The following CFAP299 variants were observed in gnomAD, a reference collection of about 807,000 sequenced individuals.
CFAP299 encodes cilia- and flagella-associated protein 299.
CFAP299 carries 21 observed loss-of-function variants against 27.0 expected under a neutral mutation model. The observed-to-expected ratio is 0.78, with a 90% CI of 0.55 to 1.12. The LOEUF (loss-of-function observed/expected upper bound fraction) is 1.12, where lower values mean the gene tolerates loss of function less well. Ranked by LOEUF, CFAP299 falls within the 50% of genes most tolerant of loss-of-function variation. The pLI is 0.00. For synonymous variants in CFAP299, 104 were observed against 98.1 expected, an observed-to-expected ratio of 1.06 and a Z score of -0.36; for missense variants, 310 against 276.6, an observed-to-expected ratio of 1.12 and a Z score of -0.86.
intron 2 of CFAP299, among the ~76,000 whole-genome samples, chr4:80,389,258 C>A (rs191079876): frequency 6.6e-6 from 1 of 152,068 alleles, no homozygotes; most frequent in Non-Finnish European, 1.5e-5. Context: ...TCATTCCTAC[C>A]TAGTATTACA....
chr4:80,342,346 C>T (rs981830531), intron 1 of CFAP299, among the ~76,000 whole-genome samples: 2 of 152,128 alleles, frequency 1.3e-5, no homozygotes, highest in Admixed American at 6.5e-5. Context: ...ACAAGAAGAT[C>T]AACCTCAAGA....
At chr4:80,800,479 TATATAATATATAATATATA>T (rs1560419065) in intron 3 of CFAP299, among the ~76,000 whole-genome samples, 3 of 5,346 alleles carry the variant, frequency 5.6e-4, no homozygotes, top group East Asian at 3.2e-3. Flanking sequence ...TATAATATAT[TATATAATATATAATATATA>T]ATATATTATA....
At chr4:80,749,722 G>A (rs1036672125) in intron 3 of CFAP299, among the ~76,000 whole-genome samples, 4 of 152,180 alleles carry the variant, frequency 2.6e-5, no homozygotes, top group South Asian at 2.1e-4. Flanking sequence ...GATGAAGACC[G>A]GAAGACTCAG....
chr4:80,660,547 T>C (rs1272648105), intron 3 of CFAP299, among the ~76,000 whole-genome samples: 1 of 152,186 alleles, frequency 6.6e-6, no homozygotes, highest in Admixed American at 6.6e-5. Flanking sequence ...TGAGATATCT[T>C]ACATTTGCTT....
the CFAP299 span, among the ~76,000 whole-genome samples, chr4:80,325,180 A>G: frequency 1.3e-5 from 2 of 152,208 alleles, no homozygotes; most frequent in African/African-American, 2.4e-5. Context: ...CAAAAAAGGC[A>G]ACAACTGGGC....
At chr4:80,334,754 T>C (rs1256450207), upstream of CFAP299, among the ~76,000 whole-genome samples, 2 of 152,198 alleles carry the variant, frequency 1.3e-5, no homozygotes, top group Non-Finnish European at 2.9e-5. Flanking sequence ...CACTTAAAAT[T>C]TGCAAGTCAT....
At chr4:80,556,724 T>C (rs1734803162) in intron 2 of CFAP299, among the ~76,000 whole-genome samples, 2 of 151,978 alleles carry the variant, frequency 1.3e-5, no homozygotes, top group South Asian at 4.1e-4. Context: ...ACACTAGATA[T>C]CACAAAATAG....
chr4:80,615,635 A>G (rs961171449), intron 3 of CFAP299, among the ~76,000 whole-genome samples: 1 of 151,948 alleles, frequency 6.6e-6, no homozygotes, highest in Non-Finnish European at 1.5e-5. Context: ...TCCTGGGTTC[A>G]AGTGATCCTC....
At chr4:80,939,975 A>G (rs186057933) in intron 4 of CFAP299, among the ~76,000 whole-genome samples, 6 of 152,248 alleles carry the variant, frequency 3.9e-5, no homozygotes, top group African/African-American at 1.4e-4. Context: ...AATGCCCTGA[A>G]GTATTTAATC....
At chr4:80,661,090 C>T (rs542591032) in intron 3 of CFAP299, among the ~76,000 whole-genome samples, 5 of 152,218 alleles carry the variant, frequency 3.3e-5, no homozygotes, top group Admixed American at 3.3e-4. Flanking sequence ...CTTTGAGAGA[C>T]TGAGGCAGGT....
intron 3 of CFAP299, among the ~76,000 whole-genome samples, chr4:80,868,586 C>T (rs1317746038): frequency 6.6e-6 from 1 of 152,172 alleles, no homozygotes; most frequent in Non-Finnish European, 1.5e-5. Flanking sequence ...CTTGAATTCC[C>T]TGAGGTTGGG....
At chr4:80,654,906 A>G (rs1223217285) in intron 3 of CFAP299, among the ~76,000 whole-genome samples, 1 of 151,274 alleles carries the variant, frequency 6.6e-6, no homozygotes, top group African/African-American at 2.4e-5. Flanking sequence ...AGTAACCATC[A>G]TACCTAGCTA....
In CFAP299 at chr4:80,770,423, G is replaced by A. The variant is rs558186272; in HGVS notation, c.334-99570G>A. On this transcript the variant is annotated intron_variant, in intron 3 of 5. Coordinates refer to ENST00000358105, the MANE Select transcript of CFAP299 (RefSeq NM_152770.3). ...CCTTAACTATATATACAAGTTTATG[G>A]ACTGAAAGCTGTGTTTTCTACATAA... is the stretch of plus-strand genomic sequence containing the variant. 1.0e-4 allele frequency among the ~76,000 whole-genome samples: 15 copies of A among 150,126 alleles called. No individual in the cohort carries two copies. In the South Asian group the frequency reaches 1.3e-3, roughly 13 times the overall value.
intron 3 of CFAP299, among the ~76,000 whole-genome samples, chr4:80,596,459 CA>C (rs1487914417): frequency 6.6e-6 from 1 of 152,098 alleles, no homozygotes; most frequent in African/African-American, 2.4e-5. Context: ...ATAGCTTTCA[CA>C]TTTTCTTTTA....
At chr4:80,826,927 T>C (rs1347985396) in intron 3 of CFAP299, among the ~76,000 whole-genome samples, 6 of 151,822 alleles carry the variant, frequency 4.0e-5, no homozygotes, top group Non-Finnish European at 7.4e-5. Context: ...CCTGCAACTC[T>C]GTGGAAATGA....
intron 4 of CFAP299, among the ~76,000 whole-genome samples, chr4:80,892,687 G>T (rs751065587): frequency 6.6e-6 from 1 of 152,052 alleles, no homozygotes; most frequent in Non-Finnish European, 1.5e-5. Flanking sequence ...ATATTTCAAT[G>T]ATATAAAAAC....
At chr4:80,481,066 T>C (rs1417118173) in intron 2 of CFAP299, among the ~76,000 whole-genome samples, 2 of 151,986 alleles carry the variant, frequency 1.3e-5, no homozygotes, top group African/African-American at 4.8e-5. Flanking sequence ...ATGTGGCAAC[T>C]GGGCAAGCAT....
chr4:80,434,103 T>C (rs1406176768), intron 2 of CFAP299, among the ~76,000 whole-genome samples: 2 of 152,190 alleles, frequency 1.3e-5, no homozygotes, highest in East Asian at 3.8e-4. Flanking sequence ...AAAATTTGTA[T>C]TTTAGATGTT....
At chr4:80,761,380 T>C (rs907302822) in intron 3 of CFAP299, among the ~76,000 whole-genome samples, 4 of 152,080 alleles carry the variant, frequency 2.6e-5, no homozygotes, top group African/African-American at 9.7e-5. Flanking sequence ...ACTTATAAAC[T>C]AAGAGACAGT....
Sources: allele counts gnomAD v4.1 joint callset (sites outside exome capture counted in the v4.1 genomes callset), GRCh38; gene constraint gnomAD v4.1.1; transcripts MANE v1.5; gene names NCBI Gene and HGNC (gene_info 2026-07-23, HGNC 2026-07-21).